SLC25A33: variants seen among roughly 807,000 people sequenced by gnomAD.
The protein encoded by SLC25A33 is bone marrow stromal cell mitochondrial carrier protein.
Under a neutral mutation model 35.5 loss-of-function variants are expected in SLC25A33, and 15 were observed. The ratio of observed to expected loss-of-function variants is 0.42; its 90% confidence interval spans 0.28 to 0.65. The LOEUF (loss-of-function observed/expected upper bound fraction) is 0.65. SLC25A33 is among the 30% of genes least tolerant of loss of function. The probability of loss-of-function intolerance (pLI) is 0.20; values close to 1 mark genes in which losing one functional copy is unlikely to be tolerated. For synonymous variants in SLC25A33, 136 were observed against 148.7 expected, an observed-to-expected ratio of 0.91 and a Z score of 0.62; for missense variants, 257 against 398.5, an observed-to-expected ratio of 0.64 and a Z score of 3.02.
chr1:9,567,225 T>C, intron 2 of SLC25A33, 59 bp from the exon 3 acceptor site: 1 of 1,415,404 alleles, frequency 7.1e-7, no homozygotes, highest in Non-Finnish European at 9.9e-7. Flanking sequence ...TGACTCTTTA[T>C]CATTTTTAAT....
rs1047798113 is a variant in SLC25A33, at chr1:9,582,102, C to T, written c.764-197C>T. ...GCTAATTTTTGTTTTTCAGTAGAGACGGGGTTTCACCATGTTGGCCAGGCT... is the reference window on the plus strand; with the variant it reads ...GCTAATTTTTGTTTTTCAGTAGAGATGGGGTTTCACCATGTTGGCCAGGCT... On this transcript the variant is annotated intron_variant, in intron 6 of 6. Transcript: ENST00000302692. The surrounding 1 kb of genome is among the most constrained non-coding windows in gnomAD (Gnocchi z 4.0). Among the ~76,000 whole-genome samples the T allele has an allele frequency of 1.3e-4, 20 of 152,008 alleles. No homozygotes were observed. Among genetic ancestry groups the T allele is most frequent in the African/African-American group, 4.8e-4 (20 of 41,386 alleles).
At chr1:9,547,262 T>C (rs1466203765) in intron 1 of SLC25A33, among the ~76,000 whole-genome samples, 5 of 152,146 alleles carry the variant, frequency 3.3e-5, no homozygotes, top group Non-Finnish European at 7.4e-5. Flanking sequence ...AAGACCAGCC[T>C]GGCCAACATG....
At chr1:9,546,405 C>T (rs1182334070) in intron 1 of SLC25A33, among the ~76,000 whole-genome samples, 1 of 151,804 alleles carries the variant, frequency 6.6e-6, no homozygotes, top group African/African-American at 2.4e-5. Flanking sequence ...AGGATGGTCT[C>T]GATCTCCTGA....
Position 9,584,298 on chromosome 1 carries a change from CTAGTG to C in SLC25A33, c.*1800_*1804del, listed in dbSNP as rs1643780713. On this transcript the variant is annotated 3_prime_UTR_variant, in exon 7 of 7. Transcript: ENST00000302692. The stretch of plus-strand genomic sequence containing the variant: ...TTACTTTTAACTGGGGTTCTTGACT[CTAGTG>C]TAATTGCTCCAACAACTACGTAGAA... 2.6e-5 allele frequency: 4 copies of C among 152,304 alleles called. No homozygotes were observed. The South Asian group carries it at 8.3e-4, about 32-fold the overall frequency. 9.4% of individuals were successfully genotyped at this position (152,304 alleles called of 1,614,324 possible). A position where few individuals can be genotyped will look rare whatever the true frequency, so the allele number is the denominator to read the frequency against.
intron 6 of SLC25A33, among the ~76,000 whole-genome samples, chr1:9,580,784 AG>A: frequency 6.6e-6 from 1 of 151,046 alleles, no homozygotes; most frequent in East Asian, 2.0e-4. Flanking sequence ...TGAACCCGGG[AG>A]GTGGAGGTTG....
chr1:9,578,390 G>C lies in SLC25A33; in HGVS notation c.483-1564G>C, dbSNP rs568733089. Among the ~76,000 whole-genome samples the C allele has an allele frequency of 1.3e-5, 2 of 152,304 alleles. No homozygotes were observed. The highest frequency in any genetic ancestry group is 2.9e-5 in the Non-Finnish European group (2 of 68,024). ...GCCCGCTCGGAGGGGTCTGTGATGT[G>C]TGACCGGTGCACACCTAACTACACT... On this transcript the variant is annotated intron_variant, in intron 5 of 6. Coordinates refer to ENST00000302692, the MANE Select transcript of SLC25A33 (RefSeq NM_032315.3). This position sits in a 1 kb window ranked among gnomAD's most constrained non-coding sequence, Gnocchi z 4.3.
Position 9,582,708 on chromosome 1 carries a change from T to C in SLC25A33, c.*207T>C, listed in dbSNP as rs1643762996. The C allele has an allele frequency of 5.3e-6, 3 of 568,998 alleles. No individual in the cohort carries two copies. The highest frequency in any genetic ancestry group is 9.1e-6 in the Non-Finnish European group (3 of 328,636). 35.2% of individuals were successfully genotyped at this position (568,998 alleles called of 1,614,324 possible). Reference sequence around the variant, plus strand: ...GTTAATAGTTAATTATAACTTTTTTTTTAACTTAAGAGGATTCAGGGTTAA... The same window carrying C: ...GTTAATAGTTAATTATAACTTTTTTCTTAACTTAAGAGGATTCAGGGTTAA... On this transcript the variant is annotated 3_prime_UTR_variant, in exon 7 of 7. Coordinates refer to ENST00000302692, the MANE Select transcript of SLC25A33 (RefSeq NM_032315.3). This position sits in a 1 kb window ranked among gnomAD's most constrained non-coding sequence, Gnocchi z 4.0.
chr1:9,564,257 CT>C (rs199555977), intron 2 of SLC25A33, among the ~76,000 whole-genome samples: 2,740 of 152,064 alleles, frequency 0.018, 42 homozygotes, highest in Non-Finnish European at 0.029. Context: ...CAATATTTAA[CT>C]TTTTTGTGTG....
chr1:9,539,860 C>T, intron 1 of SLC25A33, 113 bp downstream of exon 1: 3 of 1,005,118 alleles, frequency 3.0e-6, no homozygotes, highest in Non-Finnish European at 3.8e-6. Context: ...CGGGCTACGG[C>T]GCCGGCGCTC....
Position 9,585,113 on chromosome 1 carries a change from G to A in SLC25A33, c.*2612G>A, listed in dbSNP as rs1404377749. The A allele has an allele frequency of 2.0e-5, 3 of 152,210 alleles. No individual in the cohort carries two copies. Among genetic ancestry groups the A allele is most frequent in the South Asian group, 2.1e-4 (1 of 4,828 alleles). 9.4% of individuals were successfully genotyped at this position (152,210 alleles called of 1,614,324 possible). On this transcript the variant is annotated 3_prime_UTR_variant, in exon 7 of 7. Coordinates refer to ENST00000302692, the MANE Select transcript of SLC25A33 (RefSeq NM_032315.3). ...TGTTTTCCAAGATTGTGTCTAATATGAAGGTGTAAAATTGCTTTGTTTTCA... is the reference window on the plus strand; with the variant it reads ...TGTTTTCCAAGATTGTGTCTAATATAAAGGTGTAAAATTGCTTTGTTTTCA...
At chr1:9,541,553 A>T (rs1280988634) in intron 1 of SLC25A33, among the ~76,000 whole-genome samples, 1 of 151,938 alleles carries the variant, frequency 6.6e-6, no homozygotes, top group African/African-American at 2.4e-5. Flanking sequence ...GGCCTCCCAA[A>T]TTGCTGGGAT....
chr1:9,583,705 T>C lies in SLC25A33; in HGVS notation c.*1204T>C, dbSNP rs1643772014. 6.0e-5 allele frequency: 9 copies of C among 151,132 alleles called. No individual in the cohort carries two copies. In the South Asian group the frequency reaches 1.9e-3, roughly 32 times the overall value. 9.4% of individuals were successfully genotyped at this position (151,132 alleles called of 1,614,324 possible). On this transcript the variant is annotated 3_prime_UTR_variant, in exon 7 of 7. Transcript: ENST00000302692. ...AGAAAGCACTGGGATTGTTTAAATA[T>C]CCTAGTTCAACATTAAAAAAAAAAA...
At chr1:9,546,717 A>T (rs987062127) in intron 1 of SLC25A33, among the ~76,000 whole-genome samples, 1 of 152,140 alleles carries the variant, frequency 6.6e-6, no homozygotes. Flanking sequence ...TTCAGTTGCA[A>T]GTAATAGAAG....
chr1:9,560,915 C>G (rs567675859), intron 2 of SLC25A33, among the ~76,000 whole-genome samples: 106 of 149,962 alleles, frequency 7.1e-4, no homozygotes, highest in African/African-American at 2.5e-3. Flanking sequence ...TATTTTCCAG[C>G]AAAGTTCTTA....
At chr1:9,555,307 A>G (rs1323817852) in intron 2 of SLC25A33, among the ~76,000 whole-genome samples, 1 of 151,476 alleles carries the variant, frequency 6.6e-6, no homozygotes, top group Non-Finnish European at 1.5e-5. Flanking sequence ...TTTAGTAGAG[A>G]CGGGGTTTCA....
At chr1:9,572,598 A>C (rs1643607000) in intron 4 of SLC25A33, among the ~76,000 whole-genome samples, 1 of 152,162 alleles carries the variant, frequency 6.6e-6, no homozygotes, top group Admixed American at 6.5e-5. Context: ...AGCCTGCGAC[A>C]GAGCAAGACT....
rs562270877 is a variant in SLC25A33, at chr1:9,565,939, G to C, written c.237-1345G>C. Among the ~76,000 whole-genome samples the C allele has an allele frequency of 3.3e-5, 5 of 151,966 alleles. No homozygotes were observed. In the East Asian group the frequency reaches 9.6e-4, roughly 29 times the overall value. ...AAAAGCAGTCACGGTATAATCTTTG[G>C]ACTTGAGATACTAGGCTTTGGTTTT... On this transcript the variant is annotated intron_variant, in intron 2 of 6. Transcript: ENST00000302692.
At chr1:9,564,923 CAAAAAAGGAATAAAATAA>C (rs535419615) in intron 2 of SLC25A33, among the ~76,000 whole-genome samples, 6 of 150,770 alleles carry the variant, frequency 4.0e-5, no homozygotes, top group African/African-American at 1.5e-4. Flanking sequence ...GACCCTGTCT[CAAAAAAGGAATAAAATAA>C]AAAGAAGGAA....
At chr1:9,561,223 G>A (rs746539070) in intron 2 of SLC25A33, among the ~76,000 whole-genome samples, 11 of 152,128 alleles carry the variant, frequency 7.2e-5, no homozygotes, top group Non-Finnish European at 1.2e-4. Context: ...GATTACAGGC[G>A]TGAGCCACCG....
Sources: allele counts gnomAD v4.1 joint callset (sites outside exome capture counted in the v4.1 genomes callset), GRCh38; gene constraint gnomAD v4.1.1; non-coding constraint Gnocchi (gnomAD v3.1); transcripts MANE v1.5; gene names NCBI Gene and HGNC (gene_info 2026-07-23, HGNC 2026-07-21).